CDH12: variants seen among roughly 807,000 people sequenced by gnomAD.
CDH12 encodes cadherin-12.
CDH12 carries 41 observed loss-of-function variants against 74.1 expected under a neutral mutation model. The ratio of observed to expected loss-of-function variants is 0.55; its 90% CI spans 0.43 to 0.72. The LOEUF is 0.72. Ranked by LOEUF, CDH12 falls within the 30% of genes least tolerant of loss-of-function variation. The pLI is 0.00. For synonymous variants in CDH12, 399 were observed against 355.0 expected, an observed-to-expected ratio of 1.12 and a Z score of -1.39; for missense variants, 945 against 977.2, an observed-to-expected ratio of 0.97 and a Z score of 0.44.
rs1015496746 is a variant in CDH12 at position 22,116,345 on chromosome 5, C to T, written c.-186-37483G>A. 5.3e-5 allele frequency among the ~76,000 whole-genome samples: 8 copies of T among 152,226 alleles called. No homozygotes were observed. The East Asian group carries it at 1.4e-3, about 26-fold the overall frequency. On this transcript the variant is annotated intron_variant, in intron 4 of 14. Transcript: ENST00000382254. ...AATTTACCTGAATTCTTCCAACAAC[C>T]AATGCATTTAAGAAAAGAATCTGGC...
intron 2 of CDH12, among the ~76,000 whole-genome samples, chr5:22,471,398 C>T (rs1023872993): frequency 6.6e-6 from 1 of 152,188 alleles, no homozygotes; most frequent in African/African-American, 2.4e-5. Flanking sequence ...AACACTCTTA[C>T]AATAGCCTTC....
chr5:22,539,301 G>A (rs2126716615), intron 1 of CDH12, among the ~76,000 whole-genome samples: 1 of 152,192 alleles, frequency 6.6e-6, no homozygotes, highest in East Asian at 1.9e-4. Flanking sequence ...GCACTCAAAG[G>A]GAGACACTTC....
At chr5:22,643,801 T>C (rs1244519042) in intron 1 of CDH12, among the ~76,000 whole-genome samples, 1 of 141,156 alleles carries the variant, frequency 7.1e-6, no homozygotes, top group African/African-American at 2.6e-5. Flanking sequence ...ATTGAGCAAG[T>C]CTATCAGTAC....
At chr5:22,382,223 AAT>A (rs1741792582) in intron 3 of CDH12, among the ~76,000 whole-genome samples, 1 of 146,084 alleles carries the variant, frequency 6.8e-6, no homozygotes, top group African/African-American at 2.5e-5. Context: ...TAAAATATAT[AAT>A]ATTTTATATA....
At chr5:21,880,698 CTCCT>C (rs1249716792) in intron 6 of CDH12, among the ~76,000 whole-genome samples, 2 of 104,840 alleles carry the variant, frequency 1.9e-5, no homozygotes, top group South Asian at 3.5e-4. Flanking sequence ...TTTCTCTTTT[CTCCT>C]TCCTTCCTTC....
intron 6 of CDH12, among the ~76,000 whole-genome samples, chr5:21,886,466 A>T (rs1185347884): frequency 6.8e-6 from 1 of 147,164 alleles, no homozygotes; most frequent in African/African-American, 2.5e-5. Context: ...AATTTTCCTC[A>T]TATATATGAG....
chr5:22,161,865 A>T (rs1408700299), intron 4 of CDH12, among the ~76,000 whole-genome samples: 1 of 152,042 alleles, frequency 6.6e-6, no homozygotes, highest in Non-Finnish European at 1.5e-5. Flanking sequence ...AAAAAATAAC[A>T]TGCATAATAA....
At chr5:22,571,192 T>C in intron 1 of CDH12, among the ~76,000 whole-genome samples, 1 of 152,236 alleles carries the variant, frequency 6.6e-6, no homozygotes, top group East Asian at 1.9e-4. Context: ...GTGTGTTCAC[T>C]GCAGTAGTAC....
At chr5:22,593,609 T>C (rs1419477217) in intron 1 of CDH12, among the ~76,000 whole-genome samples, 1 of 152,206 alleles carries the variant, frequency 6.6e-6, no homozygotes. Flanking sequence ...TTTGTAACAT[T>C]TAAAAAATTA....
At chr5:21,851,087 A>G (rs1306009708) in intron 7 of CDH12, among the ~76,000 whole-genome samples, 3 of 151,258 alleles carry the variant, frequency 2.0e-5, no homozygotes, top group East Asian at 3.9e-4. Flanking sequence ...TAGATTAACA[A>G]GAGGATATTG....
At chr5:21,824,815 A>G (rs181212451) in intron 8 of CDH12, among the ~76,000 whole-genome samples, 1 of 152,140 alleles carries the variant, frequency 6.6e-6, no homozygotes, top group Admixed American at 6.5e-5. Flanking sequence ...CTCTGCACAT[A>G]ATTTTCCCTC....
intron 3 of CDH12, among the ~76,000 whole-genome samples, chr5:22,279,721 G>A (rs1306281016): frequency 6.6e-6 from 1 of 152,098 alleles, no homozygotes; most frequent in South Asian, 2.1e-4. Flanking sequence ...ATTTTTTATG[G>A]CTGCATAGTA....
intron 7 of CDH12, among the ~76,000 whole-genome samples, chr5:21,846,870 C>T (rs564980866): frequency 6.6e-6 from 1 of 152,194 alleles, no homozygotes; most frequent in Admixed American, 6.6e-5. Context: ...TTGTAGACAG[C>T]ATATGACAAA....
At position 22,483,761 on chromosome 5, in the gene CDH12, TATAA is replaced by T. The variant is rs1041318867; in HGVS notation, c.-428+21505_-428+21508del. On this transcript the variant is annotated intron_variant, in intron 2 of 14. Coordinates refer to ENST00000382254, the MANE Select transcript of CDH12 (RefSeq NM_004061.5). ...TCTCTTTCAAAACTATATATATATA[TATAA>T]ATTTAATTAATTGGGCATGGTGGCA... Among the ~76,000 whole-genome samples, 8 of 101,844 alleles carry T rather than the reference TATAA, an allele frequency of 7.9e-5. 1 individual carries two copies. The highest frequency in any genetic ancestry group is 2.7e-4 in the African/African-American group (7 of 26,064). The allele number at this position is 101,844 out of a possible 152,430, so 66.8% of individuals were successfully genotyped here.
At chr5:22,756,098 G>GAAAAAAAAAAAAAA (rs60067455) in intron 1 of CDH12, among the ~76,000 whole-genome samples, 44 of 87,280 alleles carry the variant, frequency 5.0e-4, no homozygotes, top group Non-Finnish European at 5.6e-4. Flanking sequence ...TTCAAGGACC[G>GAAAAAAAAAAAAAA]AAAAAAAAAA....
chr5:22,317,843 G>A (rs1738697007), intron 3 of CDH12, among the ~76,000 whole-genome samples: 2 of 152,140 alleles, frequency 1.3e-5, no homozygotes. Context: ...GAGTACTTAA[G>A]GCAACTGTGA....
chr5:22,532,275 G>T (rs1217091507), intron 1 of CDH12, among the ~76,000 whole-genome samples: 1 of 144,278 alleles, frequency 6.9e-6, no homozygotes, highest in Non-Finnish European at 1.5e-5. Flanking sequence ...TGCACGACAT[G>T]GCACATGTGT....
At chr5:22,629,657 A>G (rs1374501194) in intron 1 of CDH12, among the ~76,000 whole-genome samples, 6 of 152,118 alleles carry the variant, frequency 3.9e-5, no homozygotes, top group Non-Finnish European at 8.8e-5. Context: ...CAACATCATA[A>G]TGAATGAGCA....
At chr5:22,698,342 A>T (rs1347749455) in intron 1 of CDH12, among the ~76,000 whole-genome samples, 5 of 151,324 alleles carry the variant, frequency 3.3e-5, no homozygotes, top group Admixed American at 3.3e-4. Context: ...GCTGGTTTCA[A>T]ACTCCTGACC....
Sources: allele counts gnomAD v4.1 joint callset (sites outside exome capture counted in the v4.1 genomes callset), GRCh38; gene constraint gnomAD v4.1.1; transcripts MANE v1.5; gene names NCBI Gene and HGNC (gene_info 2026-07-23, HGNC 2026-07-21).